The following NFIL3 variants were observed in gnomAD, a reference collection of about 807,000 sequenced individuals.
NFIL3 encodes nuclear factor, interleukin 3 regulated.
A neutral mutation model predicts 10.0 loss-of-function variants in NFIL3; 5 were observed. That is an observed-to-expected ratio of 0.50 (90% confidence interval 0.26 to 1.06). The LOEUF (loss-of-function observed/expected upper bound fraction) is 1.06. NFIL3 is among the 50% of genes least tolerant of loss of function. The pLI, the probability that NFIL3 is intolerant of heterozygous loss-of-function variation, is 0.13. For synonymous variants in NFIL3, 202 were observed against 206.5 expected, an observed-to-expected ratio of 0.98 and a Z score of 0.19; for missense variants, 436 against 547.6, an observed-to-expected ratio of 0.80 and a Z score of 2.03.
At chr9:91,437,706 CTA>C in the NFIL3 span, among the ~76,000 whole-genome samples, 40 of 152,306 alleles carry the variant, frequency 2.6e-4, no homozygotes, top group African/African-American at 8.9e-4. Context: ...GTCTTATTCC[CTA>C]TCTCTGTATA....
intron 1 of NFIL3, among the ~76,000 whole-genome samples, chr9:91,414,954 G>A (rs1389176409): frequency 1.3e-5 from 2 of 152,178 alleles, no homozygotes; most frequent in African/African-American, 2.4e-5. Context: ...AGAGAGTTTT[G>A]TAAACAGAAA....
chr9:91,422,877 A>C (rs548223460), intron 1 of NFIL3, among the ~76,000 whole-genome samples: 1 of 152,240 alleles, frequency 6.6e-6, no homozygotes, highest in Non-Finnish European at 1.5e-5. Context: ...GGGACGTAAT[A>C]TAGACGTAAA....
In NFIL3 at chr9:91,409,488, A is replaced by G. The variant is rs1204708402; in HGVS notation, c.1247T>C (p.Val416Ala). ...KTQNSFKTGV[V>A]EMKDSGYKVS... Reference sequence around the variant, plus strand: ...TTTGTAGCCACTGTCTTTCATTTCAACAACTCCAGTTTTGAAACTATTCTG... The same window carrying G: ...TTTGTAGCCACTGTCTTTCATTTCAGCAACTCCAGTTTTGAAACTATTCTG... The change falls in exon 2 of 2, where the codon GTT becomes GCT. Residue 416 changes from valine to alanine, a missense_variant. Coordinates refer to ENST00000297689, the MANE Select transcript of NFIL3 (RefSeq NM_005384.3). 1.4e-5 allele frequency: 23 copies of G among 1,614,060 alleles called. No individual in the cohort carries two copies. The highest frequency in any genetic ancestry group is 1.9e-5 in the Non-Finnish European group (23 of 1,180,030).
chr9:91,469,773 C>T, the NFIL3 span, among the ~76,000 whole-genome samples: 1 of 152,152 alleles, frequency 6.6e-6, no homozygotes, highest in Non-Finnish European at 1.5e-5. Context: ...GCCTTTTCTG[C>T]ATCTATTGAG....
chr9:91,459,492 T>G, the NFIL3 span, among the ~76,000 whole-genome samples: 15 of 152,132 alleles, frequency 9.9e-5, no homozygotes, highest in African/African-American at 3.6e-4. Context: ...CTGGGCAACA[T>G]AGTGAGACCC....
chr9:91,464,316 A>C, the NFIL3 span, among the ~76,000 whole-genome samples: 1 of 151,882 alleles, frequency 6.6e-6, no homozygotes, highest in Non-Finnish European at 1.5e-5. Context: ...CTCTGAAAAA[A>C]ATTTTTTTAG....
chr9:91,438,842 C>A, the NFIL3 span, among the ~76,000 whole-genome samples: 1 of 152,114 alleles, frequency 6.6e-6, no homozygotes, highest in Non-Finnish European at 1.5e-5. Flanking sequence ...TACTTCTGTG[C>A]ACCCTATTCT....
At chr9:91,444,763 G>T in the NFIL3 span, among the ~76,000 whole-genome samples, 1 of 152,114 alleles carries the variant, frequency 6.6e-6, no homozygotes, top group Non-Finnish European at 1.5e-5. Context: ...TGGCAACAGT[G>T]GTGGCAGCAT....
chr9:91,417,648 G>A (rs1833682048), intron 1 of NFIL3, among the ~76,000 whole-genome samples: 1 of 152,120 alleles, frequency 6.6e-6, no homozygotes, highest in Admixed American at 6.6e-5. Context: ...AAACACCGAA[G>A]TTGCAAGAGA....
chr9:91,482,287 T>C, the NFIL3 span, among the ~76,000 whole-genome samples: 22 of 151,722 alleles, frequency 1.5e-4, no homozygotes, highest in Non-Finnish European at 3.0e-5. Context: ...AATCCAGTTT[T>C]ATAAAACAGG....
At chr9:91,432,983 A>T in the NFIL3 span, among the ~76,000 whole-genome samples, 1 of 152,216 alleles carries the variant, frequency 6.6e-6, no homozygotes, top group African/African-American at 2.4e-5. Context: ...GAAACAATAA[A>T]GTCCTTCCTA....
At chr9:91,428,371 C>A (rs899303344), upstream of NFIL3, among the ~76,000 whole-genome samples, 1 of 152,194 alleles carries the variant, frequency 6.6e-6, no homozygotes, top group African/African-American at 2.4e-5. Flanking sequence ...CCTACCTATC[C>A]CAGCCACAAC....
chr9:91,483,267 G>A, the NFIL3 span, among the ~76,000 whole-genome samples: 3 of 152,182 alleles, frequency 2.0e-5, no homozygotes, highest in African/African-American at 4.8e-5. Context: ...CAGCTTTGCT[G>A]GGATATGCTG....
At chr9:91,439,309 G>C in the NFIL3 span, among the ~76,000 whole-genome samples, 1 of 151,910 alleles carries the variant, frequency 6.6e-6, no homozygotes, top group African/African-American at 2.4e-5. Context: ...CTTTCAGCTA[G>C]GTTATTATTC....
the NFIL3 span, among the ~76,000 whole-genome samples, chr9:91,477,023 A>G: frequency 5.9e-5 from 9 of 152,332 alleles, no homozygotes; most frequent in East Asian, 1.7e-3. Flanking sequence ...TTGCTGCATA[A>G]CACATTACCA....
chr9:91,474,920 T>C, the NFIL3 span, among the ~76,000 whole-genome samples: 3 of 152,216 alleles, frequency 2.0e-5, no homozygotes, highest in African/African-American at 7.2e-5. Context: ...CCTGCCTATA[T>C]ATTAAATGGC....
chr9:91,424,101 C>G (rs1833832455), upstream of NFIL3, among the ~76,000 whole-genome samples: 2 of 151,686 alleles, frequency 1.3e-5, no homozygotes, highest in Admixed American at 6.6e-5. Context: ...GCGCCCCATT[C>G]CCGGCGCAAC....
chr9:91,422,857 C>T (rs1203972062), intron 1 of NFIL3, among the ~76,000 whole-genome samples: 2 of 152,182 alleles, frequency 1.3e-5, no homozygotes, highest in Admixed American at 6.5e-5. Context: ...GTTTTAAAAC[C>T]TGTTTATTTG....
the NFIL3 span, among the ~76,000 whole-genome samples, chr9:91,476,807 G>A: frequency 1.2e-4 from 19 of 152,142 alleles, no homozygotes; most frequent in Non-Finnish European, 2.1e-4. Flanking sequence ...TCTATTGCAC[G>A]TAAAGCAGCT....
Sources: gnomAD v4.1 joint callset for allele counts (sites outside exome capture counted in the v4.1 genomes callset) on GRCh38, gnomAD v4.1.1 for gene constraint, MANE v1.5 for transcripts, NCBI Gene and HGNC (gene_info 2026-07-23, HGNC 2026-07-21) for gene names.